Variants in ZNF76 observed in about 807,000 individuals in gnomAD.
The protein encoded by ZNF76 is zinc finger protein 523.
A neutral mutation model predicts 66.9 loss-of-function variants in ZNF76; 66 were observed. That is an observed-to-expected ratio of 0.99 (90% CI 0.81 to 1.21). The LOEUF (loss-of-function observed/expected upper bound fraction) is 1.21, where lower values mean the gene tolerates loss of function less well. ZNF76 is among the 50% of genes most tolerant of loss of function. The pLI is 0.00. For missense variants in ZNF76, 729 were observed against 760.3 expected, an observed-to-expected ratio of 0.96 and a Z score of 0.48; for synonymous variants, 275 against 296.1, an observed-to-expected ratio of 0.93 and a Z score of 0.73.
chr6:35,295,802 A>C lies in ZNF76; in HGVS notation c.*554A>C. 1.1e-5 allele frequency: 2 copies of C among 178,728 alleles called. No individual in the cohort carries two copies. The highest frequency in any genetic ancestry group is 2.4e-5 in the Non-Finnish European group (2 of 81,970). 11.1% of individuals were successfully genotyped at this position (178,728 alleles called of 1,614,324 possible). On this transcript the variant is annotated 3_prime_UTR_variant, in exon 14 of 14. Transcript: ENST00000373953. ...GAAGAAAAGGTGCCCAGCCCCCACC[A>C]CTCCTCAGCTGCCCCCCAACCTCTC...
intron 2 of ZNF76, 71 bp downstream of exon 2, chr6:35,281,295 G>C (rs1489419360): frequency 6.8e-7 from 1 of 1,469,526 alleles, no homozygotes; most frequent in Non-Finnish European, 9.5e-7. Context: ...CCATTTCTAA[G>C]AGTCCCACCA....
At chr6:35,275,259 G>A (rs956467857) in intron 1 of ZNF76, among the ~76,000 whole-genome samples, 1 of 151,912 alleles carries the variant, frequency 6.6e-6, no homozygotes, top group African/African-American at 2.4e-5. Flanking sequence ...CTCACCTTCC[G>A]CTCTCCCAGT....
intron 1 of ZNF76, chr6:35,279,418 A>ATTTTTTTTT (rs756428054): frequency 2.0e-5 from 2 of 101,564 alleles, no homozygotes; most frequent in Non-Finnish European, 3.8e-5. Flanking sequence ...AATACCTTCA[A>ATTTTTTTTT]TTTTTTTTTT....
At position 35,267,256 on chromosome 6, in the gene ZNF76, C is replaced by T. The variant is rs142067554; in HGVS notation, c.-97+7415C>T. Among the ~76,000 whole-genome samples the T allele has an allele frequency of 9.1e-4, 139 of 152,246 alleles. 1 individual carries two copies. The highest frequency in any genetic ancestry group is 3.4e-3 in the Middle Eastern group (1 of 294). On this transcript the variant is annotated intron_variant, in intron 1 of 13. Coordinates refer to ENST00000373953, the MANE Select transcript of ZNF76 (RefSeq NM_003427.5). Reference sequence around the variant, plus strand: ...GGGACTACAGAGATGGGCACCACCACGCCTAGCTAATTTTTGTATTTTTGG... The same window carrying T: ...GGGACTACAGAGATGGGCACCACCATGCCTAGCTAATTTTTGTATTTTTGG...
intron 1 of ZNF76, among the ~76,000 whole-genome samples, chr6:35,274,665 C>T (rs1787619328): frequency 1.3e-5 from 2 of 152,290 alleles, no homozygotes; most frequent in South Asian, 4.1e-4. Flanking sequence ...GTTGAGTTTA[C>T]AGGAGCTATG....
intron 1 of ZNF76, among the ~76,000 whole-genome samples, chr6:35,266,801 T>C (rs538511574): frequency 3.3e-4 from 43 of 130,764 alleles, no homozygotes; most frequent in Middle Eastern, 3.7e-3. Context: ...CTATTTCTTT[T>C]TTTTTTTTTT....
chr6:35,281,054 A>C lies in ZNF76; in HGVS notation c.-96-2A>C. 1 of 1,168,846 alleles carries C rather than the reference A, an allele frequency of 8.6e-7. No homozygotes were observed. The highest frequency in any genetic ancestry group is 1.2e-5 in the South Asian group (1 of 82,158). The allele number at this position is 1,168,846 out of a possible 1,614,324, so 72.4% of individuals were successfully genotyped here. On this transcript the variant is annotated splice_acceptor_variant, in intron 1 of 13. Transcript: ENST00000373953. LOFTEE classifies it low-confidence loss of function (5UTR_SPLICE). ...ATAATGTGATACTGTTTATTTTCTT[A>C]GATTTGTGACCCAGAAGGAAATCTC... is the stretch of plus-strand genomic sequence containing the variant.
intron 1 of ZNF76, among the ~76,000 whole-genome samples, chr6:35,276,410 C>G (rs183933730): frequency 2.0e-5 from 3 of 152,316 alleles, no homozygotes; most frequent in South Asian, 4.1e-4. Flanking sequence ...TCTTCCTTCC[C>G]CTCCTCCTGA....
chr6:35,261,541 A>C (rs1045966846), intron 1 of ZNF76, among the ~76,000 whole-genome samples: 2 of 152,176 alleles, frequency 1.3e-5, no homozygotes. Context: ...TTTCAGAGAA[A>C]TGAACCAGAA....
rs879797471 is a variant in ZNF76 at position 35,284,098 on chromosome 6, CT to C, written c.74-2019del. ...TTAACTTTTTTTTTATTTTTTCTTC[CT>C]TTTTTTTTTTGAGACGGAGTCTCAC... On this transcript the variant is annotated intron_variant, in intron 2 of 13. Coordinates refer to ENST00000373953, the MANE Select transcript of ZNF76 (RefSeq NM_003427.5). 8.8e-4 allele frequency among the ~76,000 whole-genome samples: 130 copies of C among 147,078 alleles called. 1 individual carries two copies. Among genetic ancestry groups the C allele is most frequent in the Middle Eastern group, 3.4e-3 (1 of 290 alleles).
chr6:35,263,448 A>G (rs1188625243), intron 1 of ZNF76, among the ~76,000 whole-genome samples: 1 of 152,356 alleles, frequency 6.6e-6, no homozygotes, highest in East Asian at 1.9e-4. Context: ...CTGAAGAGTC[A>G]GTAGCAAAAT....
chr6:35,290,914 G>C (rs1171808950), intron 7 of ZNF76, 198 bp downstream of exon 7: 1 of 622,158 alleles, frequency 1.6e-6, no homozygotes, highest in South Asian at 2.0e-5. Context: ...AGCAGAAGGA[G>C]CCTGGAGGGT....
intron 7 of ZNF76, chr6:35,291,018 C>T: frequency 3.4e-6 from 2 of 595,462 alleles, no homozygotes; most frequent in Non-Finnish European, 3.0e-6. Flanking sequence ...TTATTTTCCC[C>T]TCTGTGAAAC....
At chr6:35,286,516 C>T (rs1789593480) in intron 4 of ZNF76, 117 bp downstream of exon 4, 1 of 932,578 alleles carries the variant, frequency 1.1e-6, no homozygotes, top group Non-Finnish European at 1.7e-6. Flanking sequence ...GAGCTGTCAT[C>T]TCCATGGTAC....
At position 35,292,638 on chromosome 6, in the gene ZNF76, A is replaced by G. The variant is rs770526444; in HGVS notation, c.1016A>G (p.His339Arg). 3.1e-6 allele frequency: 5 copies of G among 1,613,946 alleles called. No homozygotes were observed. Among genetic ancestry groups the G allele is most frequent in the East Asian group, 2.2e-5 (1 of 44,882 alleles). Reference protein sequence around the residue: ...YSSLYKHHVVHTHCKPYTCST... With the variant: ...YSSLYKHHVVRTHCKPYTCST... ...AGCTTGTATAAGCACCACGTGGTGC[A>G]CACACACTGCAAGCCCTACACCTGC... is the stretch of plus-strand genomic sequence containing the variant. Residue 339 changes from histidine (H) to arginine (R), a missense_variant, in exon 10 of 14, where the codon CAC becomes CGC. His to Arg is a conservative substitution (Grantham distance 29, BLOSUM62 0). Coordinates refer to ENST00000373953, the MANE Select transcript of ZNF76 (RefSeq NM_003427.5). The surrounding 1 kb of genome is among the most constrained non-coding windows in gnomAD (Gnocchi z 4.7).
intron 1 of ZNF76, among the ~76,000 whole-genome samples, chr6:35,273,935 T>G (rs1462681412): frequency 6.6e-6 from 1 of 152,178 alleles, no homozygotes; most frequent in African/African-American, 2.4e-5. Flanking sequence ...AAACTTATGT[T>G]AGTGCAAGTT....
At position 35,294,441 on chromosome 6, in the gene ZNF76, C is replaced by T. The variant is rs1242077562; in HGVS notation, c.1495-15C>T. The T allele has an allele frequency of 1.9e-6, 3 of 1,575,112 alleles. No homozygotes were observed. Among genetic ancestry groups the T allele is most frequent in the Non-Finnish European group, 2.6e-6 (3 of 1,145,366 alleles). On this transcript the variant is annotated splice_polypyrimidine_tract_variant and intron_variant, in intron 12 of 13. Transcript: ENST00000373953. ...ATACTGCAGGTGGAATGGAAGACCT[C>T]CTTTTGTCTTTCAGGTCACAATCAT...
At chr6:35,290,619 A>G in intron 6 of ZNF76, 22 bp from the exon 7 acceptor site, 1 of 1,613,792 alleles carries the variant, frequency 6.2e-7, no homozygotes, top group Non-Finnish European at 8.5e-7. Flanking sequence ...CCTCTGAATT[A>G]TGTGATTGCT....
intron 1 of ZNF76, among the ~76,000 whole-genome samples, chr6:35,272,176 C>G (rs1284745621): frequency 6.6e-6 from 1 of 151,270 alleles, no homozygotes; most frequent in Non-Finnish European, 1.5e-5. Flanking sequence ...CAAGGTGGCT[C>G]ATACTTGTTA....
Sources: allele counts gnomAD v4.1 joint callset (sites outside exome capture counted in the v4.1 genomes callset), GRCh38; gene constraint gnomAD v4.1.1; non-coding constraint Gnocchi (gnomAD v3.1); transcripts MANE v1.5; gene names NCBI Gene and HGNC (gene_info 2026-07-23, HGNC 2026-07-21).